Variants in DCP1B observed in about 807,000 individuals in gnomAD.
The protein encoded by DCP1B is mRNA-decapping enzyme 1B.
A neutral mutation model predicts 60.5 loss-of-function variants in DCP1B; 47 were observed. That is an observed-to-expected ratio of 0.78 (90% confidence interval 0.61 to 0.99). The LOEUF (loss-of-function observed/expected upper bound fraction) is 0.99. Ranked by LOEUF, DCP1B falls within the 50% of genes least tolerant of loss-of-function variation. The pLI is 0.00. For synonymous variants in DCP1B, 267 were observed against 280.3 expected (o/e 0.95, Z 0.47); for missense variants, 725 against 756.8 (o/e 0.96, Z 0.49).
At chr12:1,982,866 C>T (rs2036551704) in intron 3 of DCP1B, among the ~76,000 whole-genome samples, 1 of 152,032 alleles carries the variant, frequency 6.6e-6, no homozygotes, top group African/African-American at 2.4e-5. Context: ...TGGTATTATT[C>T]CTCCCTTGAA....
chr12:1,993,842 T>C (rs761806466), intron 2 of DCP1B, among the ~76,000 whole-genome samples: 4 of 152,326 alleles, frequency 2.6e-5, no homozygotes, highest in Admixed American at 1.3e-4. Flanking sequence ...AAAATTTTCA[T>C]AGAAAATTTT....
At chr12:1,982,324 C>G (rs955891748) in intron 3 of DCP1B, among the ~76,000 whole-genome samples, 3 of 152,106 alleles carry the variant, frequency 2.0e-5, no homozygotes, top group African/African-American at 7.2e-5. Flanking sequence ...ATCTCCAGAA[C>G]TTTTTCATCA....
intron 3 of DCP1B, among the ~76,000 whole-genome samples, chr12:1,970,105 G>A (rs571830487): frequency 1.2e-4 from 19 of 152,174 alleles, no homozygotes; most frequent in African/African-American, 2.2e-4. Context: ...TTAGGCTTTC[G>A]TAAGGGTGGG....
intron 3 of DCP1B, among the ~76,000 whole-genome samples, chr12:1,970,099 G>T (rs1005296159): frequency 6.6e-6 from 1 of 152,150 alleles, no homozygotes; most frequent in African/African-American, 2.4e-5. Context: ...AAGGAATTAG[G>T]CTTTCGTAAG....
At chr12:1,944,063 C>T (rs1229735930), downstream of DCP1B, among the ~76,000 whole-genome samples, 1 of 152,118 alleles carries the variant, frequency 6.6e-6, no homozygotes, top group African/African-American at 2.4e-5. Flanking sequence ...AAATCTTAAA[C>T]TCATAAGCAA....
Position 1,971,322 on chromosome 12 carries a change from C to T in DCP1B, c.320-3412G>A. The T allele has an allele frequency of 2.0e-6, 1 of 489,266 alleles. No homozygotes were observed. The highest frequency in any genetic ancestry group is 3.3e-6 in the Non-Finnish European group (1 of 304,524). 30.3% of individuals were successfully genotyped at this position (489,266 alleles called of 1,614,324 possible). The stretch of plus-strand genomic sequence containing the variant: ...AAGAACTCATCTCTCCATATTTAAT[C>T]AGGATTTACCACACACCGTTGTAAA... On this transcript the variant is annotated intron_variant, in intron 3 of 8. Transcript: ENST00000280665. This position sits in a 1 kb window ranked among gnomAD's most constrained non-coding sequence, Gnocchi z 4.2.
At chr12:1,947,626 T>C (rs1216044598) in intron 8 of DCP1B, among the ~76,000 whole-genome samples, 1 of 152,228 alleles carries the variant, frequency 6.6e-6, no homozygotes, top group Non-Finnish European at 1.5e-5. Context: ...AAATTACAAC[T>C]TAAGAAACTG....
At chr12:1,956,606 G>C (rs776158125) in intron 5 of DCP1B, among the ~76,000 whole-genome samples, 1 of 152,152 alleles carries the variant, frequency 6.6e-6, no homozygotes, top group African/African-American at 2.4e-5. Context: ...TGTATATTTA[G>C]CACAAGTATT....
rs1262013561 is a variant in DCP1B at position 1,948,020 on chromosome 12, T to C, written c.1773+1066A>G. The stretch of plus-strand genomic sequence containing the variant: ...TAATTGAGACCACTGTCTTTTTAAG[T>C]AGGATAAGACAACCGCAGAAGGGCT... On this transcript the variant is annotated intron_variant, in intron 8 of 8. Coordinates refer to ENST00000280665, the MANE Select transcript of DCP1B (RefSeq NM_152640.5). The surrounding 1 kb of genome is among the most constrained non-coding windows in gnomAD (Gnocchi z 4.8). Among the ~76,000 whole-genome samples, 1 of 152,214 alleles carries C rather than the reference T, an allele frequency of 6.6e-6. No homozygotes were observed. The highest frequency in any genetic ancestry group is 1.5e-5 in the Non-Finnish European group (1 of 68,044).
chr12:1,985,707 G>A (rs1025195091), intron 3 of DCP1B, among the ~76,000 whole-genome samples: 1 of 152,198 alleles, frequency 6.6e-6, no homozygotes, highest in African/African-American at 2.4e-5. Context: ...ACCCTCCAGA[G>A]AATGTTCACT....
intron 2 of DCP1B, among the ~76,000 whole-genome samples, chr12:1,996,624 A>C (rs12826803): frequency 0.24 from 18,644 of 78,130 alleles, 2,540 homozygotes; most frequent in Admixed American, 0.3. Context: ...GCTAAAAAAA[A>C]AAAAAAAAAA....
chr12:1,946,316 A>C (rs2030421021), intron 8 of DCP1B, 30 bp from the exon 9 acceptor site: 1 of 1,561,524 alleles, frequency 6.4e-7, no homozygotes, highest in Admixed American at 1.9e-5. Flanking sequence ...ACCCAAGAGA[A>C]TGTTACTTGG....
At chr12:1,976,103 T>C (rs138040228) in intron 3 of DCP1B, among the ~76,000 whole-genome samples, 4,123 of 152,266 alleles carry the variant, frequency 0.027, 87 homozygotes, top group Middle Eastern at 0.048. Flanking sequence ...GATGGATAGT[T>C]TTCTTTAGAG....
intron 3 of DCP1B, among the ~76,000 whole-genome samples, chr12:1,990,089 A>T (rs973777631): frequency 2.0e-5 from 3 of 152,218 alleles, no homozygotes; most frequent in Non-Finnish European, 2.9e-5. Context: ...TCTCGAAGTT[A>T]AGGTTTCTTG....
chr12:1,965,472 T>A, intron 5 of DCP1B, 86 bp downstream of exon 5: 1 of 1,369,282 alleles, frequency 7.3e-7, no homozygotes, highest in Non-Finnish European at 9.5e-7. Flanking sequence ...AGGAACAGCA[T>A]CCACAGTACC....
downstream of DCP1B, among the ~76,000 whole-genome samples, chr12:1,944,042 G>A (rs948141621): frequency 1.3e-5 from 2 of 152,118 alleles, no homozygotes; most frequent in South Asian, 2.1e-4. Flanking sequence ...AAACCCCATC[G>A]TCTCAGCCCA....
intron 7 of DCP1B, among the ~76,000 whole-genome samples, chr12:1,951,840 G>A (rs2030680842): frequency 6.6e-6 from 1 of 152,174 alleles, no homozygotes; most frequent in African/African-American, 2.4e-5. Context: ...ACAAGAGGAG[G>A]TCAGTTGCTT....
In DCP1B at chr12:1,953,087, G is replaced by C. The variant is rs747506080; in HGVS notation, c.853C>G (p.Pro285Ala). The change falls in exon 7 of 9, where the codon CCC (proline) becomes GCC (alanine). Residue 285 changes from proline (P) to alanine (A), a missense_variant. By Grantham distance (27) the Pro-to-Ala change is conservative (BLOSUM62 -1). Transcript: ENST00000280665. Reference protein sequence around the residue: ...SYEEPRRHSPPIEKQLCPAIQ... With the variant: ...SYEEPRRHSPAIEKQLCPAIQ... ...GCTGGACAGAGCTGCTTCTCAATGG[G>C]GGGTGAGTGTCTTCTGGGTTCCTCA... 1 of 1,614,074 alleles carries C rather than the reference G, an allele frequency of 6.2e-7. No individual in the cohort carries two copies. Among genetic ancestry groups the C allele is most frequent in the Non-Finnish European group, 8.5e-7 (1 of 1,180,008 alleles).
chr12:1,979,839 T>C (rs1250437568), intron 3 of DCP1B, among the ~76,000 whole-genome samples: 1 of 152,258 alleles, frequency 6.6e-6, no homozygotes, highest in Non-Finnish European at 1.5e-5. Flanking sequence ...GGCTTTAATC[T>C]GCATAGGTTT....
Sources: allele counts gnomAD v4.1 joint callset (sites outside exome capture counted in the v4.1 genomes callset), GRCh38; gene constraint gnomAD v4.1.1; non-coding constraint Gnocchi (gnomAD v3.1); transcripts MANE v1.5; gene names NCBI Gene and HGNC (gene_info 2026-07-23, HGNC 2026-07-21).